BSG: variants seen among roughly 807,000 people sequenced by gnomAD.
BSG encodes basigin (Ok blood group).
In BSG, 37 loss-of-function variants were observed where a neutral mutation model predicts 43.1. That is an observed-to-expected ratio of 0.86 (90% CI 0.66 to 1.13). BSG has a LOEUF of 1.13. BSG is among the 50% of genes most tolerant of loss of function. The probability of loss-of-function intolerance (pLI) is 0.00; values close to 1 mark genes in which losing one functional copy is unlikely to be tolerated. For missense variants in BSG, 599 were observed against 554.2 expected, an observed-to-expected ratio of 1.08 and a Z score of -0.81; for synonymous variants, 309 against 238.7, an observed-to-expected ratio of 1.29 and a Z score of -2.72.
intron 2 of BSG, 43 bp from the exon 3 acceptor site, chr19:579,457 G>A (rs111530592): frequency 4.5e-5 from 73 of 1,609,168 alleles, no homozygotes; most frequent in African/African-American, 4.3e-4. Flanking sequence ...AGCGCGGGCC[G>A]TGCTCCTCCA....
rs941320029 is a variant in BSG at position 577,757 on chromosome 19, G to A, written c.68-17G>A. 2.7e-5 allele frequency: 38 copies of A among 1,391,364 alleles called. No homozygotes were observed. The highest frequency in any genetic ancestry group is 3.3e-5 in the Non-Finnish European group (35 of 1,072,508). 86.2% of individuals were successfully genotyped at this position (1,391,364 alleles called of 1,614,324 possible). The stretch of plus-strand genomic sequence containing the variant: ...GCCCCAGGCACTAACAAGACCCCAC[G>A]CGTGCTCTCCCCACAGCCGGCTTCG... On this transcript the variant is annotated splice_polypyrimidine_tract_variant and intron_variant, in intron 1 of 8. Coordinates refer to ENST00000333511, the MANE Select transcript of BSG (RefSeq NM_001728.4).
Position 581,425 on chromosome 19 carries a change from C to T in BSG, c.903C>T (p.Cys301=). The change falls in exon 6 of 9, where the codon TGC becomes TGT. Residue 301 remains cysteine (C), a synonymous_variant. Transcript: ENST00000333511. ...AGGCCGACCCCGGCCAGTACCGGTG[C>T]AACGGCACCAGCTCCAAGGGCTCCG... ...NMEADPGQYR[C]NGTSSKGSDQ... 6.2e-7 allele frequency: 1 copy of T among 1,612,670 alleles called. No individual in the cohort carries two copies. Among genetic ancestry groups the T allele is most frequent in the African/African-American group, 1.3e-5 (1 of 75,060 alleles).
intron 7 of BSG, 55 bp from the exon 8 acceptor site, chr19:582,459 C>G (rs1376176671): frequency 9.4e-6 from 15 of 1,600,518 alleles, no homozygotes; most frequent in Non-Finnish European, 1.3e-5. Flanking sequence ...GCAGGGGTGA[C>G]TTGGAGAGAG....
rs200086920 is a variant in BSG at position 582,290 on chromosome 19, G to A, written c.1070-16G>A. The A allele has an allele frequency of 1.2e-6, 2 of 1,604,456 alleles. No homozygotes were observed. Among genetic ancestry groups the A allele is most frequent in the Non-Finnish European group, 1.7e-6 (2 of 1,178,014 alleles). On this transcript the variant is annotated splice_polypyrimidine_tract_variant and intron_variant, in intron 6 of 8. Transcript: ENST00000333511. The stretch of plus-strand genomic sequence containing the variant: ...GTCCTCTCGTCCTCTTTTTCATGGC[G>A]GCGGTCCTTCTTCAGATGACGACGC...
At chr19:573,054 C>T (rs1415439187) in intron 1 of BSG, among the ~76,000 whole-genome samples, 4 of 120,240 alleles carry the variant, frequency 3.3e-5, no homozygotes, top group Non-Finnish European at 6.9e-5. Flanking sequence ...TTTTCGGTCA[C>T]CTGGGGTTGG....
intron 2 of BSG, 179 bp downstream of exon 2, chr19:578,300 C>A: frequency 3.4e-6 from 2 of 596,928 alleles, no homozygotes; most frequent in Non-Finnish European, 5.3e-6. Context: ...CGCCGCCTGA[C>A]CACCAGCGCT....
chr19:573,850 A>G (rs1981513953), intron 1 of BSG, among the ~76,000 whole-genome samples: 1 of 152,216 alleles, frequency 6.6e-6, no homozygotes, highest in Non-Finnish European at 1.5e-5. Context: ...TGGAGAGCGC[A>G]TTTGGGAAAT....
In BSG at chr19:577,997, G is replaced by C; in HGVS notation, c.291G>C (p.Thr97=). The part of the protein sequence containing the change: ...QHAASTISID[T]LVEEDTGTYE... ...CGGCCAGCACCATCTCCATCGACAC[G>C]CTCGTGGAGGAGGACACGGGCACTT... is the stretch of plus-strand genomic sequence containing the variant. The change falls in exon 2 of 9, where the codon ACG becomes ACC. Residue 97 remains threonine, a synonymous_variant. Coordinates refer to ENST00000333511, the MANE Select transcript of BSG (RefSeq NM_001728.4). 1.9e-6 allele frequency: 3 copies of C among 1,612,142 alleles called. No homozygotes were observed. Among genetic ancestry groups the C allele is most frequent in the Non-Finnish European group, 1.7e-6 (2 of 1,179,660 alleles).
At chr19:573,706 A>C (rs1032620315) in intron 1 of BSG, among the ~76,000 whole-genome samples, 1 of 148,308 alleles carries the variant, frequency 6.7e-6, no homozygotes, top group Non-Finnish European at 1.5e-5. Context: ...TTCCAAGGTC[A>C]CAGTGAGGGG....
chr19:576,768 A>G (rs1022025780), intron 1 of BSG, among the ~76,000 whole-genome samples: 9 of 149,732 alleles, frequency 6.0e-5, no homozygotes, highest in East Asian at 5.9e-4. Context: ...AAAAAGAAGA[A>G]GAGGAGAAAG....
In BSG at chr19:580,628, C is replaced by G; in HGVS notation, c.656-18C>G. 6.2e-7 allele frequency: 1 copy of G among 1,612,652 alleles called. No homozygotes were observed. Among genetic ancestry groups the G allele is most frequent in the Non-Finnish European group, 8.5e-7 (1 of 1,179,850 alleles). On this transcript the variant is annotated intron_variant, in intron 4 of 8. Coordinates refer to ENST00000333511, the MANE Select transcript of BSG (RefSeq NM_001728.4). ...CGGGCCTGCGGTTCCAGGCTCCTCT[C>G]TCTCACCCTCCTGTCAGGGCCTCCC...
chr19:572,694 C>T lies in BSG; in HGVS notation c.60C>T (p.Ser20=). 8.8e-6 allele frequency: 13 copies of T among 1,484,994 alleles called. No individual in the cohort carries two copies. The highest frequency in any genetic ancestry group is 1.1e-5 in the Non-Finnish European group (12 of 1,112,648). 92.0% of individuals were successfully genotyped at this position (1,484,994 alleles called of 1,614,324 possible). A position where few individuals can be genotyped will look rare whatever the true frequency, so the allele number is the denominator to read the frequency against. Residue 20 remains serine (S), a synonymous_variant, in exon 1 of 9, where the codon TCC becomes TCT. Coordinates refer to ENST00000333511, the MANE Select transcript of BSG (RefSeq NM_001728.4). ...GFALLGTHGA[S]GAAGFVQAPL... is the part of the protein sequence containing the mutation. ...CGCTGCTGGGCACCCACGGAGCCTC[C>T]GGGGCTGGTGAGGAGCGGGTAGGGG...
chr19:578,374 C>G (rs981415802), intron 2 of BSG, among the ~76,000 whole-genome samples: 1 of 152,124 alleles, frequency 6.6e-6, no homozygotes, highest in African/African-American at 2.4e-5. Flanking sequence ...GTCCTCCCCT[C>G]GACCCTCGTG....
intron 1 of BSG, among the ~76,000 whole-genome samples, chr19:576,184 C>G (rs1981757802): frequency 6.6e-6 from 1 of 152,252 alleles, no homozygotes; most frequent in Admixed American, 6.5e-5. Context: ...TCCTCACTTT[C>G]CTGTGTGCCC....
chr19:572,321 C>T (rs886670296), upstream of BSG: 2 of 966,164 alleles, frequency 2.1e-6, no homozygotes, highest in African/African-American at 3.5e-5. Flanking sequence ...CTCATTGCAA[C>T]TTTGAAAGCA....
chr19:578,662 TG>T (rs1460808985), intron 2 of BSG, among the ~76,000 whole-genome samples: 1 of 151,556 alleles, frequency 6.6e-6, no homozygotes, highest in Non-Finnish European at 1.5e-5. Context: ...AGCCTGGGGC[TG>T]GGGGGATGTG....
At chr19:581,897 C>T (rs889677144) in intron 6 of BSG, among the ~76,000 whole-genome samples, 4 of 152,272 alleles carry the variant, frequency 2.6e-5, no homozygotes, top group Admixed American at 2.0e-4. Context: ...GCCCTTGCTG[C>T]TCTGCATGAT....
In BSG at chr19:581,365, C is replaced by T. The variant is rs746378922; in HGVS notation, c.843C>T (p.Gly281=). ...GGTTCTTCGTGAGTTCCTCGCAGGGCCGGTCAGAGCTACACATTGAGAACC... is the reference window on the plus strand; with the variant it reads ...GGTTCTTCGTGAGTTCCTCGCAGGGTCGGTCAGAGCTACACATTGAGAACC... ...ESRFFVSSSQ[G]RSELHIENLN... Residue 281 remains glycine (G), a synonymous_variant, in exon 6 of 9, where the codon GGC becomes GGT. Transcript: ENST00000333511. 3 of 1,612,824 alleles carry T rather than the reference C, an allele frequency of 1.9e-6. No individual in the cohort carries two copies. The highest frequency in any genetic ancestry group is 2.5e-6 in the Non-Finnish European group (3 of 1,179,934).
At chr19:574,253 T>TA (rs11420107) in intron 1 of BSG, among the ~76,000 whole-genome samples, 9,948 of 126,946 alleles carry the variant, frequency 0.078, 453 homozygotes, top group African/African-American at 0.13. Context: ...ACTCTGTCTT[T>TA]AAAAAAAAAA....
Sources: gnomAD v4.1 joint callset for allele counts (sites outside exome capture counted in the v4.1 genomes callset) on GRCh38, gnomAD v4.1.1 for gene constraint, MANE v1.5 for transcripts, NCBI Gene and HGNC (gene_info 2026-07-23, HGNC 2026-07-21) for gene names.